Variants in CNTN4 observed in about 807,000 individuals in gnomAD.
The protein encoded by CNTN4 is contactin-4.
A neutral mutation model predicts 122.5 loss-of-function variants in CNTN4; 77 were observed. The observed-to-expected ratio is 0.63, with a 90% CI of 0.52 to 0.76. The LOEUF is 0.76. Ranked by LOEUF, CNTN4 falls within the 30% of genes least tolerant of loss-of-function variation. The pLI is 0.00. For synonymous variants in CNTN4, 512 were observed against 447.0 expected, an observed-to-expected ratio of 1.15 and a Z score of -1.83; for missense variants, 1,256 against 1,259.1, an observed-to-expected ratio of 1.00 and a Z score of 0.04.
chr3:2,499,063 A>T (rs2076527394), intron 3 of CNTN4, among the ~76,000 whole-genome samples: 1 of 152,224 alleles, frequency 6.6e-6, no homozygotes, highest in African/African-American at 2.4e-5. Context: ...TGCTGGGATT[A>T]CAGGCGTAAG....
intron 3 of CNTN4, among the ~76,000 whole-genome samples, chr3:2,375,356 T>A (rs550531626): frequency 1.1e-4 from 16 of 152,330 alleles, no homozygotes; most frequent in Admixed American, 3.3e-4. Context: ...TCCCTCTCAT[T>A]TCTTTCTTTT....
chr3:2,671,820 A>G (rs1001027783), intron 4 of CNTN4, among the ~76,000 whole-genome samples: 31 of 152,224 alleles, frequency 2.0e-4, no homozygotes, highest in African/African-American at 7.2e-4. Flanking sequence ...CCTAACAGCA[A>G]GGACCCTCAG....
intron 4 of CNTN4, among the ~76,000 whole-genome samples, chr3:2,672,415 T>C (rs1235991288): frequency 1.3e-5 from 2 of 152,200 alleles, no homozygotes. Context: ...CTCCGAGCCA[T>C]GCGCGGGATA....
chr3:2,606,833 A>G (rs1192084047), intron 4 of CNTN4, among the ~76,000 whole-genome samples: 1 of 152,196 alleles, frequency 6.6e-6, no homozygotes, highest in Non-Finnish European at 1.5e-5. Context: ...CATACTTACC[A>G]TTTAAATGGA....
At chr3:2,386,170 G>C (rs1039394037) in intron 3 of CNTN4, among the ~76,000 whole-genome samples, 1 of 151,944 alleles carries the variant, frequency 6.6e-6, no homozygotes, top group Admixed American at 6.6e-5. Flanking sequence ...GTTCCCAGAA[G>C]GGAAAAATGA....
At chr3:2,457,104 T>C (rs1343812290) in intron 3 of CNTN4, among the ~76,000 whole-genome samples, 1 of 152,130 alleles carries the variant, frequency 6.6e-6, no homozygotes. Context: ...TCTTTCTTTC[T>C]TTTGTTGCGT....
intron 3 of CNTN4, among the ~76,000 whole-genome samples, chr3:2,344,811 A>C: frequency 6.6e-6 from 1 of 152,310 alleles, no homozygotes; most frequent in African/African-American, 2.4e-5. Flanking sequence ...ATACTTTTAT[A>C]ATTAGTATTA....
At chr3:2,996,456 C>T (rs987556421) in intron 14 of CNTN4, among the ~76,000 whole-genome samples, 2 of 152,074 alleles carry the variant, frequency 1.3e-5, no homozygotes, top group Non-Finnish European at 2.9e-5. Context: ...CCATCCCATA[C>T]AAATAATTTC....
intron 2 of CNTN4, among the ~76,000 whole-genome samples, chr3:2,218,095 A>G (rs1281923020): frequency 1.3e-5 from 2 of 152,172 alleles, no homozygotes. Flanking sequence ...CTTCAGGGAA[A>G]GGGAAATGCA....
chr3:2,631,865 C>CAAAAAAAAAAAAA (rs1157671569), intron 4 of CNTN4, among the ~76,000 whole-genome samples: 11 of 70,154 alleles, frequency 1.6e-4, no homozygotes, highest in South Asian at 1.0e-3. Flanking sequence ...CGTATCTCTA[C>CAAAAAAAAAAAAA]AAAAAAAAAA....
At chr3:2,809,526 T>C (rs2092554539) in intron 6 of CNTN4, among the ~76,000 whole-genome samples, 1 of 152,208 alleles carries the variant, frequency 6.6e-6, no homozygotes, top group Admixed American at 6.5e-5. Flanking sequence ...AGGGTCCATA[T>C]TTTATTCTGA....
chr3:2,952,451 T>C (rs779577875), intron 13 of CNTN4, among the ~76,000 whole-genome samples: 4 of 152,192 alleles, frequency 2.6e-5, no homozygotes, highest in Non-Finnish European at 5.9e-5. Flanking sequence ...TTTCATTAGA[T>C]GGGAAAGTGC....
At chr3:2,441,073 T>C (rs2048423248) in intron 3 of CNTN4, among the ~76,000 whole-genome samples, 1 of 151,878 alleles carries the variant, frequency 6.6e-6, no homozygotes, top group African/African-American at 2.4e-5. Context: ...AGGATTGGAA[T>C]TGATGCATTA....
At chr3:3,011,078 G>A (rs540026121) in intron 14 of CNTN4, among the ~76,000 whole-genome samples, 15 of 152,274 alleles carry the variant, frequency 9.9e-5, no homozygotes, top group African/African-American at 1.9e-4. Context: ...GGGCATTTGC[G>A]CTGATCTTCC....
chr3:2,668,499 C>T (rs1460256608), intron 4 of CNTN4, among the ~76,000 whole-genome samples: 5 of 152,152 alleles, frequency 3.3e-5, no homozygotes, highest in Admixed American at 6.6e-5. Context: ...TGGGCTGAGA[C>T]AATGGGGTTT....
chr3:2,448,928 T>C (rs988346000), intron 3 of CNTN4, among the ~76,000 whole-genome samples: 9 of 152,194 alleles, frequency 5.9e-5, no homozygotes, highest in Non-Finnish European at 1.0e-4. Flanking sequence ...CCAAGCCATG[T>C]AAGGCTACCT....
At chr3:2,839,968 G>T (rs1258132414) in intron 7 of CNTN4, among the ~76,000 whole-genome samples, 2 of 152,158 alleles carry the variant, frequency 1.3e-5, no homozygotes, top group African/African-American at 2.4e-5. Context: ...GTGTAGCTAA[G>T]TGTAGAGTCT....
chr3:2,388,392 T>C (rs1050087072), intron 3 of CNTN4, among the ~76,000 whole-genome samples: 36 of 152,208 alleles, frequency 2.4e-4, no homozygotes, highest in African/African-American at 8.4e-4. Context: ...GGATACCATG[T>C]TGCAAATAGA....
At chr3:2,969,238 C>T (rs1439625493) in intron 13 of CNTN4, among the ~76,000 whole-genome samples, 2 of 152,162 alleles carry the variant, frequency 1.3e-5, no homozygotes, top group African/African-American at 2.4e-5. Context: ...TGACCCCTAG[C>T]GGATTATCTA....
Sources: gnomAD v4.1 joint callset for allele counts (sites outside exome capture counted in the v4.1 genomes callset) on GRCh38, gnomAD v4.1.1 for gene constraint, MANE v1.5 for transcripts, NCBI Gene and HGNC (gene_info 2026-07-23, HGNC 2026-07-21) for gene names.